PPM1H: variants seen among roughly 807,000 people sequenced by gnomAD.
The protein encoded by PPM1H is protein phosphatase, Mg2+/Mn2+ dependent 1H.
Under a neutral mutation model 54.9 loss-of-function variants are expected in PPM1H, and 27 were observed. That is an observed-to-expected ratio of 0.49 (90% CI 0.36 to 0.68). PPM1H has a LOEUF of 0.68. Ranked by LOEUF, PPM1H falls within the 30% of genes least tolerant of loss-of-function variation. PPM1H has a pLI of 0.00. For synonymous variants in PPM1H, 305 were observed against 270.8 expected (o/e 1.13, Z -1.24); for missense variants, 596 against 667.8 (o/e 0.89, Z 1.19).
At chr12:62,755,477 T>C (rs772256308) in intron 4 of PPM1H, 35 of 680,612 alleles carry the variant, frequency 5.1e-5, no homozygotes, top group Non-Finnish European at 8.1e-5. Flanking sequence ...CCCTCCAAAA[T>C]CAGATGGGGC....
intron 1 of PPM1H, among the ~76,000 whole-genome samples, chr12:62,847,509 G>C (rs1038897222): frequency 5.3e-5 from 8 of 152,164 alleles, no homozygotes; most frequent in Admixed American, 5.2e-4. Context: ...TAAATGAAAG[G>C]TTTGTTGACT....
At chr12:62,900,425 T>C (rs1030716937) in intron 1 of PPM1H, among the ~76,000 whole-genome samples, 5 of 151,882 alleles carry the variant, frequency 3.3e-5, no homozygotes, top group South Asian at 2.1e-4. Context: ...TTAGGAGATA[T>C]ACCTAATGTA....
chr12:62,781,330 G>A (rs924885261), intron 4 of PPM1H, among the ~76,000 whole-genome samples: 4 of 152,184 alleles, frequency 2.6e-5, no homozygotes, highest in African/African-American at 7.2e-5. Flanking sequence ...CAGGCAGGTC[G>A]CCCCCGCCCC....
At chr12:62,724,811 C>A (rs2076281368) in intron 5 of PPM1H, among the ~76,000 whole-genome samples, 1 of 152,118 alleles carries the variant, frequency 6.6e-6, no homozygotes, top group African/African-American at 2.4e-5. Flanking sequence ...GAGACTTAGA[C>A]ACATTTTTAT....
intron 4 of PPM1H, among the ~76,000 whole-genome samples, chr12:62,771,295 G>GAC (rs4026219): frequency 0.19 from 25,435 of 131,672 alleles, 2,309 homozygotes; most frequent in Middle Eastern, 0.22. Context: ...ACTTTGTGAA[G>GAC]ACACACACAC....
intron 1 of PPM1H, among the ~76,000 whole-genome samples, chr12:62,871,551 G>A (rs535922497): frequency 5.3e-4 from 71 of 133,980 alleles, no homozygotes; most frequent in African/African-American, 1.8e-3. Flanking sequence ...GTCTCACTCT[G>A]TTGTCCATGC....
rs540247159 is a variant in PPM1H, at chr12:62,761,913, G to A, written c.870-24327C>T. On this transcript the variant is annotated intron_variant, in intron 4 of 9. Coordinates refer to ENST00000228705, the MANE Select transcript of PPM1H (RefSeq NM_020700.2). ...GCAGACTGGTGTGAGGGAAATGGAC[G>A]TGGCTCCCAGAAGCGGCTCTTCCCA... Among the ~76,000 whole-genome samples, 13 of 152,302 alleles carry A rather than the reference G, an allele frequency of 8.5e-5. No individual in the cohort carries two copies. The South Asian group carries it at 2.3e-3, about 27-fold the overall frequency.
chr12:62,742,359 C>G (rs1477832690), intron 4 of PPM1H, among the ~76,000 whole-genome samples: 1 of 152,214 alleles, frequency 6.6e-6, no homozygotes, highest in Non-Finnish European at 1.5e-5. Context: ...CATCACGATG[C>G]CTCTTCCTAT....
chr12:62,909,724 A>G (rs1871399956), intron 1 of PPM1H, among the ~76,000 whole-genome samples: 1 of 152,132 alleles, frequency 6.6e-6, no homozygotes, highest in African/African-American at 2.4e-5. Context: ...ATCACACTAC[A>G]TATTTATTTG....
rs2075776250 is a variant in PPM1H, at chr12:62,644,813, C to T, written c.*3676G>A. ...AAAATTCTGTGCTGTGGCCAGAGCTCGTTTTACCATTTTCTTAGATTGGAT... is the reference window on the plus strand; with the variant it reads ...AAAATTCTGTGCTGTGGCCAGAGCTTGTTTTACCATTTTCTTAGATTGGAT... On this transcript the variant is annotated 3_prime_UTR_variant, in exon 10 of 10. Transcript: ENST00000228705. The T allele has an allele frequency of 6.6e-6, 1 of 152,216 alleles. No individual in the cohort carries two copies. The highest frequency in any genetic ancestry group is 1.5e-5 in the Non-Finnish European group (1 of 68,044). The allele number at this position is 152,216 out of a possible 1,614,324, so 9.4% of individuals were successfully genotyped here. A position where few individuals can be genotyped will look rare whatever the true frequency, so the allele number is the denominator to read the frequency against.
At chr12:62,655,299 C>T (rs970549523) in intron 9 of PPM1H, among the ~76,000 whole-genome samples, 7 of 152,162 alleles carry the variant, frequency 4.6e-5, no homozygotes, top group African/African-American at 1.7e-4. Flanking sequence ...TCTTCGGAGC[C>T]ACCTTGCCAT....
chr12:62,875,559 A>G (rs1870135246), intron 1 of PPM1H, among the ~76,000 whole-genome samples: 2 of 152,220 alleles, frequency 1.3e-5, no homozygotes, highest in Admixed American at 1.3e-4. Flanking sequence ...TTAAAATACC[A>G]TGAATATTTT....
chr12:62,670,865 C>G (rs770038846), intron 8 of PPM1H, among the ~76,000 whole-genome samples: 7 of 152,194 alleles, frequency 4.6e-5, no homozygotes, highest in Non-Finnish European at 5.9e-5. Context: ...TACAACCACC[C>G]TCTGTTTCCT....
intron 3 of PPM1H, among the ~76,000 whole-genome samples, chr12:62,792,687 T>C (rs1225445723): frequency 6.6e-6 from 1 of 152,098 alleles, no homozygotes; most frequent in Non-Finnish European, 1.5e-5. Flanking sequence ...CGTGTGCAAC[T>C]AGAACATATT....
intron 1 of PPM1H, among the ~76,000 whole-genome samples, chr12:62,922,312 AT>A (rs1277408211): frequency 4.7e-5 from 7 of 147,776 alleles, no homozygotes; most frequent in Admixed American, 6.8e-5. Flanking sequence ...CTTATGTGGC[AT>A]TTTGTTTATG....
At chr12:62,738,502 C>T (rs1592572000) in intron 4 of PPM1H, among the ~76,000 whole-genome samples, 1 of 152,146 alleles carries the variant, frequency 6.6e-6, no homozygotes, top group Non-Finnish European at 1.5e-5. Flanking sequence ...GGAGAGGCTG[C>T]AGGATCGATA....
intron 4 of PPM1H, among the ~76,000 whole-genome samples, chr12:62,745,866 A>G (rs1477662414): frequency 6.6e-6 from 1 of 152,202 alleles, no homozygotes; most frequent in Non-Finnish European, 1.5e-5. Context: ...CAGCTCTTTG[A>G]TTGAAGGTTA....
At chr12:62,822,422 T>C (rs1451880164) in intron 2 of PPM1H, among the ~76,000 whole-genome samples, 1 of 152,060 alleles carries the variant, frequency 6.6e-6, no homozygotes, top group South Asian at 2.1e-4. Flanking sequence ...TCTACAGAAC[T>C]CTCCACCCCA....
rs1478814190 is a variant in PPM1H at position 62,644,564 on chromosome 12, G to A, written c.*3925C>T. On this transcript the variant is annotated 3_prime_UTR_variant, in exon 10 of 10. Transcript: ENST00000228705. ...CACAGATAACACTGTGGATTCGAAA[G>A]AGCAGTCCTCTGCAGACCGGCACTC... The A allele has an allele frequency of 3.3e-5, 5 of 152,238 alleles. No homozygotes were observed. The East Asian group carries it at 7.7e-4, about 23-fold the overall frequency. 9.4% of individuals were successfully genotyped at this position (152,238 alleles called of 1,614,324 possible). A position where few individuals can be genotyped will look rare whatever the true frequency, so the allele number is the denominator to read the frequency against.
Sources: allele counts gnomAD v4.1 joint callset (sites outside exome capture counted in the v4.1 genomes callset), GRCh38; gene constraint gnomAD v4.1.1; transcripts MANE v1.5; gene names NCBI Gene and HGNC (gene_info 2026-07-23, HGNC 2026-07-21).